Variants in ABLIM2 observed in about 807,000 individuals in gnomAD.
ABLIM2 encodes the protein actin-binding LIM protein 2.
ABLIM2 carries 53 observed loss-of-function variants against 97.7 expected under a neutral mutation model. That is an observed-to-expected ratio of 0.54 (90% CI 0.44 to 0.68). The LOEUF is 0.68. Ranked by LOEUF, ABLIM2 falls within the 30% of genes least tolerant of loss-of-function variation. The pLI, the probability that ABLIM2 is intolerant of heterozygous loss-of-function variation, is 0.00. For synonymous variants in ABLIM2, 361 were observed against 345.8 expected (o/e 1.04, Z -0.49); for missense variants, 835 against 867.2 (o/e 0.96, Z 0.47).
intron 9 of ABLIM2, among the ~76,000 whole-genome samples, chr4:8,040,095 G>A (rs1787341665): frequency 1.3e-5 from 2 of 152,314 alleles, no homozygotes; most frequent in Non-Finnish European, 2.9e-5. Context: ...GTGCATTCCT[G>A]TGCACGTGAA....
chr4:8,120,384 G>T lies in ABLIM2; in HGVS notation c.11-13747C>A, dbSNP rs1408565833. Among the ~76,000 whole-genome samples, 2 of 152,170 alleles carry T rather than the reference G, an allele frequency of 1.3e-5. No homozygotes were observed. The highest frequency in any genetic ancestry group is 2.4e-5 in the African/African-American group (1 of 41,440). On this transcript the variant is annotated intron_variant, in intron 1 of 20. Transcript: ENST00000447017. The surrounding 1 kb of genome is among the most constrained non-coding windows in gnomAD (Gnocchi z 5.6). ...GGTGGGTCCTCATCCAGTCTGACTGGTGTCAGAAAAAGGGGAAATGTGGAC... is the reference window on the plus strand; with the variant it reads ...GGTGGGTCCTCATCCAGTCTGACTGTTGTCAGAAAAAGGGGAAATGTGGAC...
At position 8,085,729 on chromosome 4, in the gene ABLIM2, G is replaced by C. The variant is rs1258412756; in HGVS notation, c.454+2440C>G. On this transcript the variant is annotated intron_variant, in intron 4 of 20. Coordinates refer to ENST00000447017, the MANE Select transcript of ABLIM2 (RefSeq NM_001130083.2). The surrounding 1 kb of genome is among the most constrained non-coding windows in gnomAD (Gnocchi z 6.1). ...AGCCCCGTCCACTCACGCGGGTCTG[G>C]GGGGTGCACCCAGCACATTTCACAG... Among the ~76,000 whole-genome samples, 6 of 151,994 alleles carry C rather than the reference G, an allele frequency of 3.9e-5. No homozygotes were observed. Among genetic ancestry groups the C allele is most frequent in the African/African-American group, 1.2e-4 (5 of 41,380 alleles).
At position 8,019,949 on chromosome 4, in the gene ABLIM2, C is replaced by T. The variant is rs1175632423; in HGVS notation, c.1369+253G>A. Among the ~76,000 whole-genome samples the T allele has an allele frequency of 6.6e-6, 1 of 152,188 alleles. No individual in the cohort carries two copies. Among genetic ancestry groups the T allele is most frequent in the Non-Finnish European group, 1.5e-5 (1 of 68,034 alleles). On this transcript the variant is annotated intron_variant, in intron 13 of 20. Transcript: ENST00000447017. The surrounding 1 kb of genome is among the most constrained non-coding windows in gnomAD (Gnocchi z 4.3). ...CTCAGACAGCCCTTTTCCTTCACCC[C>T]ATTCCCAGGAGGACAGGTGTATCTC...
intron 9 of ABLIM2, among the ~76,000 whole-genome samples, chr4:8,041,942 G>C (rs1220523904): frequency 6.6e-5 from 10 of 151,938 alleles, no homozygotes. Context: ...TTAATGAGCA[G>C]TTACTATGTG....
intron 4 of ABLIM2, among the ~76,000 whole-genome samples, chr4:8,081,905 A>G (rs1577353996): frequency 6.6e-6 from 1 of 152,076 alleles, no homozygotes; most frequent in Non-Finnish European, 1.5e-5. Flanking sequence ...AGGGACCTGC[A>G]CCTGTCATAG....
chr4:7,966,802 G>C lies in ABLIM2; in HGVS notation c.*188C>G, dbSNP rs949575553. 1.8e-6 allele frequency: 1 copy of C among 570,474 alleles called. No individual in the cohort carries two copies. Among genetic ancestry groups the C allele is most frequent in the Admixed American group, 3.0e-5 (1 of 33,000 alleles). The allele number at this position is 570,474 out of a possible 1,614,324, so 35.3% of individuals were successfully genotyped here. ...AGGGTGGCGTGAAGCTAGCCGTCTCGGCCCTAAACTACCGGCAGGAGTGTC... is the reference window on the plus strand; with the variant it reads ...AGGGTGGCGTGAAGCTAGCCGTCTCCGCCCTAAACTACCGGCAGGAGTGTC... On this transcript the variant is annotated 3_prime_UTR_variant, in exon 21 of 21. Transcript: ENST00000447017.
chr4:7,984,399 C>G (rs34195013), intron 18 of ABLIM2, among the ~76,000 whole-genome samples: 23,813 of 152,248 alleles, frequency 0.16, 2,754 homozygotes, highest in African/African-American at 0.32. Flanking sequence ...ACCTGCCACA[C>G]GACCAGGTGG....
chr4:8,103,920 TAA>T (rs957349956), intron 2 of ABLIM2, among the ~76,000 whole-genome samples: 1 of 152,224 alleles, frequency 6.6e-6, no homozygotes, highest in African/African-American at 2.4e-5. Context: ...AATAGGCTTT[TAA>T]AAAGAGGCAT....
chr4:8,091,562 T>TA (rs1407526220), intron 3 of ABLIM2, among the ~76,000 whole-genome samples: 11,834 of 56,312 alleles, frequency 0.21, 3,232 homozygotes, highest in African/African-American at 0.48. Flanking sequence ...TAATTATATA[T>TA]ATTATATATA....
intron 20 of ABLIM2, among the ~76,000 whole-genome samples, chr4:7,976,232 C>T (rs753192966): frequency 2.0e-5 from 3 of 152,308 alleles, no homozygotes; most frequent in South Asian, 2.1e-4. Context: ...CAGCCTGCAG[C>T]GACACCTGGG....
intron 20 of ABLIM2, among the ~76,000 whole-genome samples, chr4:7,976,874 AACAT>A (rs1035818968): frequency 2.1e-5 from 3 of 142,626 alleles, no homozygotes; most frequent in African/African-American, 7.4e-5. Flanking sequence ...TACATACATA[AACAT>A]ACACACACGC....
chr4:8,091,576 T>A lies in ABLIM2; in HGVS notation c.339-3292A>T, dbSNP rs574538541. Among the ~76,000 whole-genome samples, 217 of 31,966 alleles carry A rather than the reference T, an allele frequency of 6.8e-3. 27 individuals are homozygous for A. The highest frequency in any genetic ancestry group is 0.053 in the African/African-American group (210 of 3,958). 21.0% of individuals were successfully genotyped at this position (31,966 alleles called of 152,430 possible). ...ATAATTATATATATTATATATAATT[T>A]TATATAAAATTATATATATAATTAT... On this transcript the variant is annotated intron_variant, in intron 3 of 20. Transcript: ENST00000447017.
chr4:8,042,008 G>A (rs1788992375), intron 9 of ABLIM2, among the ~76,000 whole-genome samples: 1 of 152,212 alleles, frequency 6.6e-6, no homozygotes, highest in African/African-American at 2.4e-5. Flanking sequence ...CAGCTACCAC[G>A]AATGAGCGCT....
chr4:7,997,808 T>A (rs1754366604), intron 16 of ABLIM2, among the ~76,000 whole-genome samples: 1 of 152,200 alleles, frequency 6.6e-6, no homozygotes, highest in Admixed American at 6.5e-5. Context: ...TAGTGATAAA[T>A]GCCTTAAAAT....
Position 7,965,482 on chromosome 4 carries a change from CG to C in ABLIM2, c.*1507del, listed in dbSNP as rs1442450475. On this transcript the variant is annotated 3_prime_UTR_variant, in exon 21 of 21. Transcript: ENST00000447017. Reference sequence around the variant, plus strand: ...ACTCCCCCTCCCTAGCCGAGCTGGGCGGGTGAGAAGCCGAGTGCGAAACGGG... The same window carrying C: ...ACTCCCCCTCCCTAGCCGAGCTGGGCGGTGAGAAGCCGAGTGCGAAACGGG... 6.6e-6 allele frequency: 1 copy of C among 152,574 alleles called. No individual in the cohort carries two copies. The highest frequency in any genetic ancestry group is 1.9e-4 in the East Asian group (1 of 5,180). 9.5% of individuals were successfully genotyped at this position (152,574 alleles called of 1,614,324 possible). A position where few individuals can be genotyped will look rare whatever the true frequency, so the allele number is the denominator to read the frequency against.
In ABLIM2 at chr4:8,121,245, G is replaced by C. The variant is rs143339600; in HGVS notation, c.11-14608C>G. Among the ~76,000 whole-genome samples, 350 of 152,348 alleles carry C rather than the reference G, an allele frequency of 2.3e-3. 1 individual carries two copies. The highest frequency in any genetic ancestry group is 4.1e-3 in the Non-Finnish European group (279 of 68,028). On this transcript the variant is annotated intron_variant, in intron 1 of 20. Transcript: ENST00000447017. ...CTGGCAGGAGTTTGTGTGAGTGTCA[G>C]GTGGGGGCTTCCTTCCAGGGGCAGA...
In ABLIM2 at chr4:8,097,227, G is replaced by T. The variant is rs1298868852; in HGVS notation, c.210C>A (p.Ile70=). The T allele has an allele frequency of 2.5e-6, 4 of 1,580,554 alleles. No individual in the cohort carries two copies. In the East Asian group the frequency reaches 7.0e-5, roughly 28 times the overall value. ...AGAGCCTCTGGTAGTCCAGCGTGCAGATGTACTCGCCCTGCCGCACGAAGA... is the reference window on the plus strand; with the variant it reads ...AGAGCCTCTGGTAGTCCAGCGTGCATATGTACTCGCCCTGCCGCACGAAGA... The part of the protein sequence containing the change: ...GGFFVRQGEY[I]CTLDYQRLYG... The change falls in exon 3 of 21, where the codon ATC becomes ATA. Residue 70 remains isoleucine, a synonymous_variant. Transcript: ENST00000447017.
At chr4:8,096,494 G>A (rs192445844) in intron 3 of ABLIM2, among the ~76,000 whole-genome samples, 3 of 152,250 alleles carry the variant, frequency 2.0e-5, no homozygotes, top group Admixed American at 1.3e-4. Flanking sequence ...CCTTGTCATC[G>A]TCACCTCCTG....
In ABLIM2 at chr4:8,021,296, G is replaced by A. The variant is rs537454211; in HGVS notation, c.1268-993C>T. 1.6e-3 allele frequency among the ~76,000 whole-genome samples: 240 copies of A among 152,272 alleles called. No individual in the cohort carries two copies. The highest frequency in any genetic ancestry group is 2.6e-3 in the Non-Finnish European group (180 of 68,030). On this transcript the variant is annotated intron_variant, in intron 12 of 20. Coordinates refer to ENST00000447017, the MANE Select transcript of ABLIM2 (RefSeq NM_001130083.2). This position sits in a 1 kb window ranked among gnomAD's most constrained non-coding sequence, Gnocchi z 5.5. ...TATCAAGTCACGCATCCAGAGGGCC[G>A]AGGTGACCTGGGTGACGCCCCTCCC...
Sources: allele counts gnomAD v4.1 joint callset (sites outside exome capture counted in the v4.1 genomes callset), GRCh38; gene constraint gnomAD v4.1.1; non-coding constraint Gnocchi (gnomAD v3.1); transcripts MANE v1.5; gene names NCBI Gene and HGNC (gene_info 2026-07-23, HGNC 2026-07-21).